NELL1: variants seen among roughly 807,000 people sequenced by gnomAD.
NELL1 encodes protein kinase C-binding protein NELL1.
In NELL1, 76 loss-of-function variants were observed where a neutral mutation model predicts 107.4. The ratio of observed to expected loss-of-function variants is 0.71; its 90% confidence interval spans 0.59 to 0.86. The LOEUF is 0.86. Among genes scored for constraint, NELL1 ranks in the 40% least tolerant of loss-of-function variants. The probability of loss-of-function intolerance (pLI) is 0.00; values close to 1 mark genes in which losing one functional copy is unlikely to be tolerated. For missense variants in NELL1, 1,024 were observed against 1,005.5 expected (o/e 1.02, Z -0.25); for synonymous variants, 353 against 341.2 (o/e 1.03, Z -0.38).
intron 5 of NELL1, among the ~76,000 whole-genome samples, chr11:20,887,059 A>G (rs187877142): frequency 1.5e-3 from 235 of 152,198 alleles, no homozygotes; most frequent in Middle Eastern, 6.8e-3. Context: ...CTGACCCTGT[A>G]GTTTTGTCTT....
intron 1 of NELL1, among the ~76,000 whole-genome samples, chr11:20,675,363 C>T (rs1239018475): frequency 6.6e-6 from 1 of 152,152 alleles, no homozygotes; most frequent in Non-Finnish European, 1.5e-5. Flanking sequence ...GGAAAGTTTC[C>T]TGGGCTTGCA....
intron 15 of NELL1, among the ~76,000 whole-genome samples, chr11:21,393,339 G>A (rs952962084): frequency 2.6e-5 from 4 of 151,650 alleles, no homozygotes; most frequent in African/African-American, 9.7e-5. Context: ...CAAAAGCTTT[G>A]ATAGCTGTGG....
chr11:21,019,001 C>G (rs1359039166), intron 12 of NELL1, among the ~76,000 whole-genome samples: 1 of 152,052 alleles, frequency 6.6e-6, no homozygotes, highest in East Asian at 1.9e-4. Flanking sequence ...GCCTATCTTT[C>G]TGCTTTAATT....
intron 14 of NELL1, among the ~76,000 whole-genome samples, chr11:21,302,306 T>A (rs934131809): frequency 2.0e-5 from 3 of 152,004 alleles, no homozygotes; most frequent in African/African-American, 7.2e-5. Context: ...GGCTGAGGTG[T>A]CTCTTGTTTT....
intron 2 of NELL1, among the ~76,000 whole-genome samples, chr11:20,752,748 T>G (rs1338331875): frequency 6.6e-6 from 1 of 152,224 alleles, no homozygotes; most frequent in African/African-American, 2.4e-5. Context: ...CTGACTTTTC[T>G]TTGAGAATTT....
In NELL1 at chr11:20,891,624, C is replaced by T. The variant is rs575629888; in HGVS notation, c.603+6084C>T. Among the ~76,000 whole-genome samples the T allele has an allele frequency of 3.5e-4, 53 of 152,140 alleles. 1 individual carries two copies. Among genetic ancestry groups the T allele is most frequent in the African/African-American group, 1.3e-3 (52 of 41,496 alleles). Reference sequence around the variant, plus strand: ...TGCTGTATTCAGGAGATCCATCTTACATGCAAAGACACACACAGGCTCAAA... The same window carrying T: ...TGCTGTATTCAGGAGATCCATCTTATATGCAAAGACACACACAGGCTCAAA... On this transcript the variant is annotated intron_variant, in intron 5 of 19. Transcript: ENST00000357134.
intron 2 of NELL1, among the ~76,000 whole-genome samples, chr11:20,742,884 G>A (rs546048369): frequency 6.6e-6 from 1 of 152,252 alleles, no homozygotes; most frequent in South Asian, 2.1e-4. Context: ...AGCTGTGGCA[G>A]GTAGGGGAGG....
chr11:20,774,438 C>A lies in NELL1; in HGVS notation c.185-9242C>A, dbSNP rs112575293. ...AGATAGGGTCTTTCTCACTATGTTC[C>A]TCAGGATAGACTAGAATTCCTGGGC... On this transcript the variant is annotated intron_variant, in intron 2 of 19. Transcript: ENST00000357134. 3.0e-4 allele frequency among the ~76,000 whole-genome samples: 37 copies of A among 123,502 alleles called. No homozygotes were observed. The Middle Eastern group carries it at 0.011, about 38-fold the overall frequency. 81.0% of individuals were successfully genotyped at this position (123,502 alleles called of 152,430 possible). A position where few individuals can be genotyped will look rare whatever the true frequency, so the allele number is the denominator to read the frequency against.
intron 12 of NELL1, among the ~76,000 whole-genome samples, chr11:21,033,897 A>G (rs536421305): frequency 1.4e-3 from 214 of 152,236 alleles, no homozygotes; most frequent in African/African-American, 4.9e-3. Flanking sequence ...CCTCGCCAGC[A>G]TCTGTTGTTT....
At chr11:21,155,080 T>C (rs2133791736) in intron 13 of NELL1, among the ~76,000 whole-genome samples, 1 of 152,202 alleles carries the variant, frequency 6.6e-6, no homozygotes, top group South Asian at 2.1e-4. Flanking sequence ...GTAGATTTGA[T>C]ATAAGGTAGA....
intron 2 of NELL1, among the ~76,000 whole-genome samples, chr11:20,699,759 C>A (rs889316040): frequency 3.9e-5 from 6 of 152,148 alleles, no homozygotes; most frequent in African/African-American, 1.2e-4. Flanking sequence ...GTGCAAGTTT[C>A]TTTTTTATAT....
rs547433935 is a variant in NELL1 at position 20,707,335 on chromosome 11, TA to T, written c.184+29276del. ...CCTCCTTTAGCTCAGAGAAGTTTGT[TA>T]TTACCAATCGTCTGAAGTCTTCTTC... On this transcript the variant is annotated intron_variant, in intron 2 of 19. Coordinates refer to ENST00000357134, the MANE Select transcript of NELL1 (RefSeq NM_006157.5). Among the ~76,000 whole-genome samples the T allele has an allele frequency of 8.1e-4, 121 of 149,380 alleles. 1 individual carries two copies. In the Middle Eastern group the frequency reaches 0.021, roughly 26 times the overall value.
rs116531952 is a variant in NELL1, at chr11:21,136,656, C to T, written c.1426+22942C>T. On this transcript the variant is annotated intron_variant, in intron 13 of 19. Coordinates refer to ENST00000357134, the MANE Select transcript of NELL1 (RefSeq NM_006157.5). ...GCAAATAATTTGCTACACTGTATTA[C>T]TATCTCTAAGTGCAAAAGAAGTTAA... Among the ~76,000 whole-genome samples, 455 of 152,232 alleles carry T rather than the reference C, an allele frequency of 3.0e-3. 4 individuals are homozygous for T. The highest frequency in any genetic ancestry group is 0.01 in the African/African-American group (436 of 41,532).
At chr11:21,300,718 G>A (rs1434149534) in intron 14 of NELL1, among the ~76,000 whole-genome samples, 2 of 151,790 alleles carry the variant, frequency 1.3e-5, no homozygotes, top group African/African-American at 2.4e-5. Flanking sequence ...AATGAGATTC[G>A]CACCAATAAC....
chr11:20,826,879 T>G (rs1857896635), intron 3 of NELL1, among the ~76,000 whole-genome samples: 1 of 151,016 alleles, frequency 6.6e-6, no homozygotes. Context: ...TTTAGCTGAG[T>G]TGAAGGGAAG....
At chr11:21,115,207 C>T (rs981763582) in intron 13 of NELL1, among the ~76,000 whole-genome samples, 1 of 151,972 alleles carries the variant, frequency 6.6e-6, no homozygotes, top group Non-Finnish European at 1.5e-5. Flanking sequence ...TCCACAATTA[C>T]TTTTAGAAAG....
chr11:20,695,395 C>G (rs991269068), intron 2 of NELL1, among the ~76,000 whole-genome samples: 1 of 152,056 alleles, frequency 6.6e-6, no homozygotes, highest in African/African-American at 2.4e-5. Flanking sequence ...ATGCTCCCAG[C>G]TTTTGCCTGT....
chr11:20,738,896 G>A (rs554581207), intron 2 of NELL1, among the ~76,000 whole-genome samples: 9 of 152,326 alleles, frequency 5.9e-5, no homozygotes, highest in African/African-American at 2.2e-4. Flanking sequence ...TCTTAAAGGT[G>A]TGTTTCCTGT....
chr11:21,235,660 C>T (rs1019418322), intron 14 of NELL1, among the ~76,000 whole-genome samples: 3 of 151,944 alleles, frequency 2.0e-5, no homozygotes, highest in Non-Finnish European at 2.9e-5. Context: ...AAATCATAAG[C>T]GTAAAGACAA....
Sources: allele counts gnomAD v4.1 joint callset (sites outside exome capture counted in the v4.1 genomes callset), GRCh38; gene constraint gnomAD v4.1.1; transcripts MANE v1.5; gene names NCBI Gene and HGNC (gene_info 2026-07-23, HGNC 2026-07-21).